Variants in IFT56 observed in about 807,000 individuals in gnomAD.
The protein encoded by IFT56 is intraflagellar transport protein 56.
the IFT56 span, chr7:139,161,085 A>G: frequency 1.4e-6 from 2 of 1,390,886 alleles, no homozygotes; most frequent in African/African-American, 2.9e-5. Flanking sequence ...CATCACAGCA[A>G]TTAGAAAGAT....
chr7:139,153,640 A>G, the IFT56 span, among the ~76,000 whole-genome samples: 2 of 152,146 alleles, frequency 1.3e-5, no homozygotes, highest in Non-Finnish European at 2.9e-5. Context: ...AAGGTTCATC[A>G]TGTTGTAGCA....
At chr7:139,184,786 G>A in the IFT56 span, among the ~76,000 whole-genome samples, 2 of 152,158 alleles carry the variant, frequency 1.3e-5, no homozygotes, top group Non-Finnish European at 2.9e-5. Context: ...CGGGCGTGGT[G>A]GCTGATGCCT....
the IFT56 span, among the ~76,000 whole-genome samples, chr7:139,177,316 A>G: frequency 6.6e-6 from 1 of 151,672 alleles, no homozygotes; most frequent in Non-Finnish European, 1.5e-5. Context: ...GCCTGATATC[A>G]GATTCCTATT....
At chr7:139,141,104 C>G in the IFT56 span, among the ~76,000 whole-genome samples, 1 of 150,914 alleles carries the variant, frequency 6.6e-6, no homozygotes, top group Non-Finnish European at 1.5e-5. Context: ...ACTAAAAATA[C>G]AAAAAAATTA....
the IFT56 span, among the ~76,000 whole-genome samples, chr7:139,170,970 A>G: frequency 6.6e-6 from 1 of 152,200 alleles, no homozygotes; most frequent in Non-Finnish European, 1.5e-5. Context: ...CCACCAAAAA[A>G]CTATTAGAAC....
chr7:139,159,599 A>C, the IFT56 span, among the ~76,000 whole-genome samples: 1 of 152,174 alleles, frequency 6.6e-6, no homozygotes, highest in Admixed American at 6.5e-5. Flanking sequence ...GTCACCTGGC[A>C]CAATATGGTC....
At chr7:139,178,642 A>G in the IFT56 span, 1 of 1,522,304 alleles carries the variant, frequency 6.6e-7, no homozygotes, top group Non-Finnish European at 9.1e-7. Context: ...TCTATCTAAA[A>G]ACATCCTTAT....
the IFT56 span, among the ~76,000 whole-genome samples, chr7:139,151,591 TACTG>T: frequency 3.3e-5 from 5 of 152,318 alleles, no homozygotes; most frequent in African/African-American, 1.2e-4. Flanking sequence ...GAAAAAATGG[TACTG>T]ACTCATTGTA....
chr7:139,166,032 A>G, the IFT56 span, among the ~76,000 whole-genome samples: 2 of 152,284 alleles, frequency 1.3e-5, no homozygotes, highest in Non-Finnish European at 1.5e-5. Flanking sequence ...ATCTCCGCTC[A>G]CCGCAACCTC....
At chr7:139,179,084 T>C in the IFT56 span, among the ~76,000 whole-genome samples, 1 of 152,200 alleles carries the variant, frequency 6.6e-6, no homozygotes, top group African/African-American at 2.4e-5. Flanking sequence ...TTTGTGGTCA[T>C]AGAATGTGCT....
the IFT56 span, chr7:139,137,863 G>T: frequency 6.2e-7 from 1 of 1,613,082 alleles, no homozygotes; most frequent in East Asian, 2.2e-5. Flanking sequence ...CGTCATGTTG[G>T]GGAAGAAGAA....
chr7:139,133,841 A>G, the IFT56 span: 1 of 1,614,196 alleles, frequency 6.2e-7, no homozygotes, highest in Non-Finnish European at 8.5e-7. Context: ...GTGGGGACTC[A>G]CAAGACCGAC....
chr7:139,182,808 A>T, the IFT56 span, among the ~76,000 whole-genome samples: 1 of 152,128 alleles, frequency 6.6e-6, no homozygotes, highest in African/African-American at 2.4e-5. Context: ...AGGAAAAAAA[A>T]TGCTTTTCAT....
At chr7:139,189,198 A>C in the IFT56 span, 2 of 658,964 alleles carry the variant, frequency 3.0e-6, no homozygotes, top group Non-Finnish European at 5.3e-6. Flanking sequence ...ATACACAGTG[A>C]AAGAGTCTAT....
chr7:139,179,685 T>C, the IFT56 span: 5 of 1,504,844 alleles, frequency 3.3e-6, no homozygotes, highest in East Asian at 9.1e-5. Context: ...GAATCCTCTT[T>C]TTCTTTTTGG....
the IFT56 span, among the ~76,000 whole-genome samples, chr7:139,152,561 T>C: frequency 6.6e-6 from 1 of 152,352 alleles, no homozygotes; most frequent in East Asian, 1.9e-4. Context: ...AAAACCCTAA[T>C]ATATATTTTA....
the IFT56 span, chr7:139,147,020 T>C: frequency 1.9e-6 from 3 of 1,539,686 alleles, no homozygotes; most frequent in East Asian, 2.4e-5. Flanking sequence ...CTAAGGGAAA[T>C]AGGAAGAAGA....
At chr7:139,185,175 T>A in the IFT56 span, among the ~76,000 whole-genome samples, 1 of 151,278 alleles carries the variant, frequency 6.6e-6, no homozygotes, top group Non-Finnish European at 1.5e-5. Flanking sequence ...CATTCCAACC[T>A]GGATGACAAA....
chr7:139,143,725 C>G, the IFT56 span, among the ~76,000 whole-genome samples: 1 of 151,980 alleles, frequency 6.6e-6, no homozygotes, highest in Non-Finnish European at 1.5e-5. Flanking sequence ...TATTAGTTCT[C>G]TATTTGCCCA....
Sources: allele counts gnomAD v4.1 joint callset (sites outside exome capture counted in the v4.1 genomes callset), GRCh38; gene constraint gnomAD v4.1.1; transcripts MANE v1.5; gene names NCBI Gene and HGNC (gene_info 2026-07-23, HGNC 2026-07-21).